PAX3: variants seen among roughly 807,000 people sequenced by gnomAD.
The protein encoded by PAX3 is paired box 3, also known as paired box protein Pax-3.
In PAX3, 14 loss-of-function variants were observed where a neutral mutation model predicts 51.6. The ratio of observed to expected loss-of-function variants is 0.27; its 90% CI spans 0.18 to 0.42. The LOEUF is 0.42. Among genes scored for constraint, PAX3 ranks in the 10% least tolerant of loss-of-function variants. PAX3 has a pLI of 1.00. For synonymous variants in PAX3, 280 were observed against 253.4 expected (o/e 1.11, Z -1.00); for missense variants, 540 against 642.8 (o/e 0.84, Z 1.73).
chr2:222,246,455 C>G (rs1472651101), intron 4 of PAX3, among the ~76,000 whole-genome samples: 2 of 152,148 alleles, frequency 1.3e-5, no homozygotes, highest in African/African-American at 2.4e-5. Context: ...TGTTTTCATA[C>G]TACAAAAGTA....
intron 3 of PAX3, among the ~76,000 whole-genome samples, 197 bp downstream of exon 3, chr2:222,295,331 C>G (rs1695237449): frequency 6.6e-6 from 1 of 152,234 alleles, no homozygotes; most frequent in Admixed American, 6.5e-5. Flanking sequence ...TCGCCACCCT[C>G]CGTCCCCAGG....
In PAX3 at chr2:222,232,090, C is replaced by T. The variant is rs1399409261; in HGVS notation, c.780G>A (p.Glu260=). 6.2e-7 allele frequency: 1 copy of T among 1,613,802 alleles called. No homozygotes were observed. Among genetic ancestry groups the T allele is most frequent in the African/African-American group, 1.3e-5 (1 of 74,910 alleles). Residue 260 remains glutamate, a synonymous_variant, in exon 5 of 9, where the codon GAG becomes GAA. Transcript: ENST00000392070. Reference sequence around the variant, plus strand: ...TGGGCAACAGTACCTGTACTCGGGCCTCGGTGAGCTTCGCCCTCTGGGCCA... The same window carrying T: ...TGGGCAACAGTACCTGTACTCGGGCTTCGGTGAGCTTCGCCCTCTGGGCCA... ...EELAQRAKLT[E]ARVQVWFSNR...
chr2:222,222,553 G>A lies in PAX3; in HGVS notation c.793-1166C>T, dbSNP rs143467162. 1.8e-3 allele frequency among the ~76,000 whole-genome samples: 271 copies of A among 152,074 alleles called. 9 individuals carry two copies. The East Asian group carries it at 0.049, about 27-fold the overall frequency. The stretch of plus-strand genomic sequence containing the variant: ...CCAGTAGCTATGATTACAGGCACCC[G>A]CCACCATGCCCAGCTAATTTTTGTA... On this transcript the variant is annotated intron_variant, in intron 5 of 8. Transcript: ENST00000392070.
chr2:222,278,168 G>A (rs941139098), intron 4 of PAX3, among the ~76,000 whole-genome samples: 3 of 152,112 alleles, frequency 2.0e-5, no homozygotes, highest in African/African-American at 7.2e-5. Flanking sequence ...GTTCCACTGA[G>A]ACCCTTTTGG....
At chr2:222,288,092 AT>A (rs1694897234) in intron 4 of PAX3, among the ~76,000 whole-genome samples, 1 of 152,258 alleles carries the variant, frequency 6.6e-6, no homozygotes, top group South Asian at 2.1e-4. Context: ...TGCTTTCATA[AT>A]AAAAGAAAAA....
At position 222,200,985 on chromosome 2, in the gene PAX3, T is replaced by C. The variant is rs1241481366; in HGVS notation, c.*423A>G. On this transcript the variant is annotated 3_prime_UTR_variant, in exon 9 of 9. Coordinates refer to ENST00000392070, the MANE Select transcript of PAX3 (RefSeq NM_181458.4). ...CATGTTATACTTTAGGGTATTCTATTATATTTTAGAACAGTCTGCTTGCCC... is the reference window on the plus strand; with the variant it reads ...CATGTTATACTTTAGGGTATTCTATCATATTTTAGAACAGTCTGCTTGCCC... 1 of 626,600 alleles carries C rather than the reference T, an allele frequency of 1.6e-6. No individual in the cohort carries two copies. The highest frequency in any genetic ancestry group is 2.8e-6 in the Non-Finnish European group (1 of 352,806). The allele number at this position is 626,600 out of a possible 1,614,324, so 38.8% of individuals were successfully genotyped here.
rs1293119743 is a variant in PAX3, at chr2:222,298,603, C to G, written c.13G>C (p.Ala5Pro). The change falls in exon 1 of 9, where the codon GCC becomes CCC. Residue 5 changes from alanine (A) to proline (P), a missense_variant. Ala to Pro is a conservative substitution (Grantham distance 27, BLOSUM62 -1). Transcript: ENST00000392070. MTTL[A>P]GAVPRMMRPG... The stretch of plus-strand genomic sequence containing the variant: ...CGCATCATCCTGGGCACAGCGCCGG[C>G]CAGCGTGGTCATCCTGGGGGCAGCT... 1.2e-6 allele frequency: 2 copies of G among 1,606,238 alleles called. No homozygotes were observed. The highest frequency in any genetic ancestry group is 8.5e-7 in the Non-Finnish European group (1 of 1,176,848).
Position 222,298,844 on chromosome 2 carries a change from G to T in PAX3, c.-229C>A. 1 of 595,476 alleles carries T rather than the reference G, an allele frequency of 1.7e-6. No homozygotes were observed. Among genetic ancestry groups the T allele is most frequent in the East Asian group, 2.8e-5 (1 of 35,908 alleles). 36.9% of individuals were successfully genotyped at this position (595,476 alleles called of 1,614,324 possible). On this transcript the variant is annotated 5_prime_UTR_variant, in exon 1 of 9. Coordinates refer to ENST00000392070, the MANE Select transcript of PAX3 (RefSeq NM_181458.4). ...GGGAGGCCCCGGAGTCCAGGATCCCGAGCCCAGGGCGGAAAAGTTTGGTAC... is the reference window on the plus strand; with the variant it reads ...GGGAGGCCCCGGAGTCCAGGATCCCTAGCCCAGGGCGGAAAAGTTTGGTAC...
intron 4 of PAX3, among the ~76,000 whole-genome samples, chr2:222,249,617 T>C (rs1574689170): frequency 6.6e-6 from 1 of 152,210 alleles, no homozygotes; most frequent in Non-Finnish European, 1.5e-5. Flanking sequence ...CAAAACTAGC[T>C]TTCTTCTGCA....
At chr2:222,289,674 C>T (rs1694959412) in intron 4 of PAX3, among the ~76,000 whole-genome samples, 1 of 152,184 alleles carries the variant, frequency 6.6e-6, no homozygotes, top group African/African-American at 2.4e-5. Context: ...AAGCACACAG[C>T]AGTCAACCAA....
intron 3 of PAX3, among the ~76,000 whole-genome samples, chr2:222,294,604 A>G (rs1267850627): frequency 6.6e-6 from 1 of 151,670 alleles, no homozygotes; most frequent in Non-Finnish European, 1.5e-5. Flanking sequence ...GGCAGGAAGC[A>G]TTTCCCTTCC....
At chr2:222,298,410 T>G (rs1235646341) in intron 1 of PAX3, 121 bp downstream of exon 1, 2 of 764,492 alleles carry the variant, frequency 2.6e-6, no homozygotes, top group Non-Finnish European at 4.5e-6. Context: ...TCTTGGGGTG[T>G]GGGGTGCCCA....
chr2:222,209,965 A>G lies in PAX3; in HGVS notation c.1174-7775T>C, dbSNP rs530457169. Among the ~76,000 whole-genome samples the G allele has an allele frequency of 4.6e-5, 7 of 152,224 alleles. No individual in the cohort carries two copies. In the East Asian group the frequency reaches 1.4e-3, roughly 29 times the overall value. On this transcript the variant is annotated intron_variant, in intron 7 of 8. Transcript: ENST00000392070. ...AATGTGAGACAACATCTGAGAACAC[A>G]GTCTCCCAAAAGCTAGAAACTACTA...
chr2:222,202,256 G>T, intron 7 of PAX3, 66 bp from the exon 8 acceptor site: 2 of 1,205,490 alleles, frequency 1.7e-6, no homozygotes, highest in Non-Finnish European at 2.4e-6. Context: ...GCCTACAGCT[G>T]AAAGAATAAC....
intron 7 of PAX3, among the ~76,000 whole-genome samples, chr2:222,203,779 T>C (rs184640720): frequency 6.6e-6 from 1 of 152,300 alleles, no homozygotes; most frequent in African/African-American, 2.4e-5. Flanking sequence ...ACTAAAGCTC[T>C]GAGCTGATCC....
intron 4 of PAX3, among the ~76,000 whole-genome samples, chr2:222,265,975 A>T (rs996666718): frequency 2.0e-5 from 3 of 152,180 alleles, no homozygotes; most frequent in Admixed American, 1.3e-4. Flanking sequence ...GGGCTAATCC[A>T]ATAGTGTGGG....
chr2:222,247,254 A>G (rs548672195), intron 4 of PAX3, among the ~76,000 whole-genome samples: 1 of 152,322 alleles, frequency 6.6e-6, no homozygotes, highest in Admixed American at 6.5e-5. Flanking sequence ...GAGAGTGTGA[A>G]TGGCTGAGTT....
chr2:222,251,497 T>G lies in PAX3; in HGVS notation c.587-19214A>C, dbSNP rs372467633. Among the ~76,000 whole-genome samples the G allele has an allele frequency of 3.9e-5, 6 of 152,340 alleles. No individual in the cohort carries two copies. In the East Asian group the frequency reaches 9.6e-4, roughly 24 times the overall value. On this transcript the variant is annotated intron_variant, in intron 4 of 8. Transcript: ENST00000392070. ...GTGTATATGTGCCACATTTTCTTAA[T>G]CCAGTCTATCATTGTTGGACATTTG...
At chr2:222,271,957 A>C in intron 4 of PAX3, among the ~76,000 whole-genome samples, 1 of 152,212 alleles carries the variant, frequency 6.6e-6, no homozygotes, top group Admixed American at 6.5e-5. Context: ...ATTTTCCTAG[A>C]CTTAAATGAA....
Sources: gnomAD v4.1 joint callset for allele counts (sites outside exome capture counted in the v4.1 genomes callset) on GRCh38, gnomAD v4.1.1 for gene constraint, MANE v1.5 for transcripts, NCBI Gene and HGNC (gene_info 2026-07-23, HGNC 2026-07-21) for gene names.